MED27: variants seen among roughly 807,000 people sequenced by gnomAD.
The protein encoded by MED27 is mediator of RNA polymerase II transcription subunit 27.
Under a neutral mutation model 38.2 loss-of-function variants are expected in MED27, and 30 were observed. That is an observed-to-expected ratio of 0.79 (90% CI 0.59 to 1.07). MED27 has a LOEUF of 1.07. Ranked by LOEUF, MED27 falls within the 50% of genes least tolerant of loss-of-function variation. MED27 has a pLI of 0.00. For synonymous variants in MED27, 122 were observed against 153.5 expected (o/e 0.79, Z 1.52); for missense variants, 289 against 397.5 (o/e 0.73, Z 2.32).
chr9:131,915,768 C>T (rs1329464391), intron 4 of MED27, among the ~76,000 whole-genome samples: 1 of 152,202 alleles, frequency 6.6e-6, no homozygotes, highest in East Asian at 1.9e-4. Context: ...AAAAGGAAGG[C>T]TTCAATTAGC....
intron 6 of MED27, among the ~76,000 whole-genome samples, chr9:131,876,327 G>A (rs1397523976): frequency 3.3e-5 from 5 of 152,144 alleles, no homozygotes; most frequent in East Asian, 1.9e-4. Context: ...CCAGGGCAAC[G>A]CAGCGTGCCC....
chr9:131,986,484 AT>A (rs1023786104), intron 3 of MED27, among the ~76,000 whole-genome samples: 2 of 151,244 alleles, frequency 1.3e-5, no homozygotes, highest in African/African-American at 2.4e-5. Flanking sequence ...ACACAGCTCC[AT>A]TTTTTTTTAC....
At chr9:131,974,150 A>G (rs1441377607) in intron 3 of MED27, among the ~76,000 whole-genome samples, 3 of 152,232 alleles carry the variant, frequency 2.0e-5, no homozygotes, top group Non-Finnish European at 4.4e-5. Flanking sequence ...GGCACATCTT[A>G]CAGGTGGTGA....
At chr9:131,979,878 G>A (rs537492342) in intron 3 of MED27, among the ~76,000 whole-genome samples, 1 of 152,104 alleles carries the variant, frequency 6.6e-6, no homozygotes, top group Non-Finnish European at 1.5e-5. Context: ...ACTCACCCTC[G>A]AGATTCTATG....
intron 3 of MED27, among the ~76,000 whole-genome samples, chr9:131,960,282 A>C (rs745881741): frequency 1.3e-5 from 2 of 152,184 alleles, no homozygotes; most frequent in Non-Finnish European, 2.9e-5. Flanking sequence ...CAATTAACAG[A>C]TGCAGCTGTA....
intron 2 of MED27, among the ~76,000 whole-genome samples, chr9:132,015,088 T>C (rs939584911): frequency 2.0e-5 from 3 of 152,224 alleles, no homozygotes; most frequent in African/African-American, 7.2e-5. Context: ...CGACATGGCT[T>C]ATCATACACA....
chr9:132,041,051 C>T (rs1833198983), intron 2 of MED27, among the ~76,000 whole-genome samples: 1 of 151,972 alleles, frequency 6.6e-6, no homozygotes, highest in African/African-American at 2.4e-5. Flanking sequence ...GACCACACCA[C>T]GGGCAGCAGA....
intron 2 of MED27, among the ~76,000 whole-genome samples, chr9:132,024,366 G>A (rs1009148122): frequency 5.9e-5 from 9 of 152,190 alleles, no homozygotes; most frequent in African/African-American, 2.2e-4. Flanking sequence ...GGTATAATGT[G>A]TGCAAAAGCC....
At chr9:131,868,283 T>C (rs1189658539) in intron 6 of MED27, among the ~76,000 whole-genome samples, 1 of 152,200 alleles carries the variant, frequency 6.6e-6, no homozygotes, top group Non-Finnish European at 1.5e-5. Context: ...CTTTTCTTTT[T>C]CTTCTTTTCT....
chr9:131,945,436 T>C (rs1028543158), intron 3 of MED27, among the ~76,000 whole-genome samples: 19 of 152,192 alleles, frequency 1.2e-4, no homozygotes, highest in Non-Finnish European at 4.4e-5. Context: ...TTTGTGTGTG[T>C]GTGGTAAGAA....
rs979086529 is a variant in MED27 at position 131,989,166 on chromosome 9, C to A, written c.479+25171G>T. Among the ~76,000 whole-genome samples, 133 of 152,136 alleles carry A rather than the reference C, an allele frequency of 8.7e-4. 1 individual carries two copies. Among genetic ancestry groups the A allele is most frequent in the African/African-American group, 3.2e-3 (131 of 41,420 alleles). ...TACTATAAGGTATAAATATTATTAT[C>A]CCTATTTGTAGATGAAGAAACTAAG... On this transcript the variant is annotated intron_variant, in intron 3 of 7. Coordinates refer to ENST00000292035, the MANE Select transcript of MED27 (RefSeq NM_004269.4).
chr9:131,981,986 GTA>G (rs998235893), intron 3 of MED27, among the ~76,000 whole-genome samples: 1 of 152,172 alleles, frequency 6.6e-6, no homozygotes, highest in African/African-American at 2.4e-5. Context: ...AGCCCGCCAT[GTA>G]TATGTTTCTA....
chr9:131,875,511 C>T (rs1435954550), intron 6 of MED27, among the ~76,000 whole-genome samples: 1 of 151,948 alleles, frequency 6.6e-6, no homozygotes, highest in Non-Finnish European at 1.5e-5. Flanking sequence ...AAGAGGCCTG[C>T]GGGAGGAAGC....
intron 2 of MED27, among the ~76,000 whole-genome samples, chr9:132,043,301 A>ATT (rs541414244): frequency 2.3e-5 from 3 of 128,248 alleles, no homozygotes; most frequent in South Asian, 4.8e-4. Context: ...TAAGGCTTCT[A>ATT]TTTTTTTTTT....
chr9:131,996,822 C>T (rs1241714639), intron 3 of MED27, among the ~76,000 whole-genome samples: 2 of 152,204 alleles, frequency 1.3e-5, no homozygotes, highest in African/African-American at 2.4e-5. Flanking sequence ...GATCCACTTC[C>T]ACTTAATGAA....
intron 2 of MED27, among the ~76,000 whole-genome samples, chr9:132,046,529 C>T (rs1407788171): frequency 6.6e-6 from 1 of 152,004 alleles, no homozygotes; most frequent in Non-Finnish European, 1.5e-5. Flanking sequence ...AAAAGCTGAA[C>T]AGAATATATG....
intron 4 of MED27, among the ~76,000 whole-genome samples, chr9:131,900,513 T>C (rs1469115214): frequency 1.3e-5 from 2 of 152,172 alleles, no homozygotes; most frequent in Non-Finnish European, 2.9e-5. Context: ...TGAGAGGAGC[T>C]GGTCACTTAA....
intron 2 of MED27, among the ~76,000 whole-genome samples, chr9:132,062,446 C>G (rs1244403457): frequency 6.6e-6 from 1 of 152,178 alleles, no homozygotes; most frequent in Non-Finnish European, 1.5e-5. Context: ...GTGGGCCCAT[C>G]TGAACATGGC....
At chr9:131,966,205 A>AAAAAC (rs1391382508) in intron 3 of MED27, among the ~76,000 whole-genome samples, 1 of 138,992 alleles carries the variant, frequency 7.2e-6, no homozygotes, top group African/African-American at 2.8e-5. Context: ...TCTTTAAAAA[A>AAAAAC]AAAAAAAAAA....
Sources: allele counts gnomAD v4.1 joint callset (sites outside exome capture counted in the v4.1 genomes callset), GRCh38; gene constraint gnomAD v4.1.1; transcripts MANE v1.5; gene names NCBI Gene and HGNC (gene_info 2026-07-23, HGNC 2026-07-21).